Variants in ME3 observed in about 807,000 individuals in gnomAD.
The protein encoded by ME3 is malic enzyme 3.
A neutral mutation model predicts 68.9 loss-of-function variants in ME3; 48 were observed. The ratio of observed to expected loss-of-function variants is 0.70; its 90% CI spans 0.55 to 0.89. The LOEUF (loss-of-function observed/expected upper bound fraction) is 0.89. ME3 is among the 40% of genes least tolerant of loss of function. ME3 has a pLI of 0.00. For synonymous variants in ME3, 320 were observed against 318.8 expected, an observed-to-expected ratio of 1.00 and a Z score of -0.04; for missense variants, 675 against 797.4, an observed-to-expected ratio of 0.85 and a Z score of 1.85.
chr11:86,538,012 T>A (rs1955801445), intron 4 of ME3, among the ~76,000 whole-genome samples: 1 of 152,168 alleles, frequency 6.6e-6, no homozygotes, highest in Admixed American at 6.5e-5. Context: ...CACCTTGATG[T>A]GGCATGGAAA....
At chr11:86,526,542 T>C (rs557109272) in intron 4 of ME3, among the ~76,000 whole-genome samples, 3 of 152,290 alleles carry the variant, frequency 2.0e-5, no homozygotes, top group East Asian at 3.9e-4. Context: ...GCACACAGCT[T>C]ACATCTGAGA....
chr11:86,448,073 A>G (rs917093466), intron 11 of ME3, 77 bp downstream of exon 11: 2 of 1,026,860 alleles, frequency 1.9e-6, no homozygotes, highest in East Asian at 4.8e-5. Flanking sequence ...TAGGCTTCCT[A>G]GCTGAGCCTC....
intron 2 of ME3, among the ~76,000 whole-genome samples, chr11:86,595,320 G>GAC (rs1959233144): frequency 7.2e-6 from 1 of 138,642 alleles, no homozygotes; most frequent in Non-Finnish European, 1.5e-5. Flanking sequence ...GAGAGAGAGA[G>GAC]AGAGAGAGAG....
chr11:86,546,378 G>A (rs9645702), intron 4 of ME3, among the ~76,000 whole-genome samples: 45,558 of 152,012 alleles, frequency 0.3, 7,274 homozygotes, highest in African/African-American at 0.42. Flanking sequence ...TGAACAGGCA[G>A]CCTACAGAAT....
intron 2 of ME3, among the ~76,000 whole-genome samples, chr11:86,632,679 C>T (rs981466334): frequency 1.8e-4 from 28 of 152,144 alleles, no homozygotes; most frequent in East Asian, 1.9e-4. Context: ...TGACAGCCTG[C>T]GCTGTGAAGG....
chr11:86,475,864 T>TAGAGAG (rs1255014257), intron 7 of ME3, among the ~76,000 whole-genome samples: 3 of 114,386 alleles, frequency 2.6e-5, no homozygotes, highest in African/African-American at 3.7e-5. Flanking sequence ...TATATATATA[T>TAGAGAG]ATATATATAT....
intron 6 of ME3, among the ~76,000 whole-genome samples, chr11:86,496,081 T>C (rs907894021): frequency 2.0e-5 from 3 of 152,172 alleles, no homozygotes; most frequent in Non-Finnish European, 4.4e-5. Context: ...CATTCCTTAC[T>C]AGGATCTAAA....
downstream of ME3, among the ~76,000 whole-genome samples, chr11:86,439,035 C>T (rs1948912227): frequency 6.6e-6 from 1 of 152,150 alleles, no homozygotes; most frequent in African/African-American, 2.4e-5. Flanking sequence ...AGGAGTAAGT[C>T]TCTCTTACTC....
chr11:86,547,181 T>C (rs1393422309), intron 4 of ME3, among the ~76,000 whole-genome samples: 1 of 126,704 alleles, frequency 7.9e-6, no homozygotes, highest in Non-Finnish European at 1.6e-5. Flanking sequence ...GAGCTTGCAG[T>C]GAACCCAGAT....
At chr11:86,580,538 T>C (rs1958384884) in intron 2 of ME3, among the ~76,000 whole-genome samples, 1 of 152,232 alleles carries the variant, frequency 6.6e-6, no homozygotes, top group South Asian at 2.1e-4. Flanking sequence ...TGTGGGTCTG[T>C]ATTTTATAAC....
intron 2 of ME3, among the ~76,000 whole-genome samples, chr11:86,606,072 A>G (rs1459262614): frequency 2.6e-5 from 4 of 151,338 alleles, no homozygotes; most frequent in Non-Finnish European, 4.4e-5. Flanking sequence ...CAGAGAGAAG[A>G]CTCCACCCCT....
At chr11:86,641,441 C>G (rs1015606030) in intron 2 of ME3, among the ~76,000 whole-genome samples, 13 of 152,198 alleles carry the variant, frequency 8.5e-5, no homozygotes, top group African/African-American at 3.1e-4. Flanking sequence ...TCCCTCAGAT[C>G]TATAAACCGT....
At chr11:86,553,988 C>T (rs1362247815) in intron 4 of ME3, among the ~76,000 whole-genome samples, 1 of 152,198 alleles carries the variant, frequency 6.6e-6, no homozygotes, top group African/African-American at 2.4e-5. Flanking sequence ...TAAGTTATTT[C>T]CCTGTGCCTC....
chr11:86,497,324 G>GCCGCTATTAA (rs1952412260), intron 6 of ME3, among the ~76,000 whole-genome samples: 1 of 152,120 alleles, frequency 6.6e-6, no homozygotes, highest in South Asian at 2.1e-4. Flanking sequence ...ATGTAATTAA[G>GCCGCTATTAA]AGGGAATCCT....
At chr11:86,504,653 C>T (rs546923521) in intron 5 of ME3, among the ~76,000 whole-genome samples, 6 of 151,946 alleles carry the variant, frequency 3.9e-5, no homozygotes, top group Non-Finnish European at 8.8e-5. Flanking sequence ...CTCGGCCTCC[C>T]GAAATGCTGG....
intron 4 of ME3, among the ~76,000 whole-genome samples, chr11:86,543,377 A>C (rs1463760301): frequency 6.6e-6 from 1 of 152,232 alleles, no homozygotes; most frequent in Non-Finnish European, 1.5e-5. Flanking sequence ...ATAAAGAGTC[A>C]AGAACCATTG....
Position 86,545,843 on chromosome 11 carries a change from C to T in ME3, c.467+10710G>A, listed in dbSNP as rs570888116. On this transcript the variant is annotated intron_variant, in intron 4 of 14. Coordinates refer to ENST00000543262, the Ensembl canonical transcript of ME3. ...AATTTCATATGGAAACAAAAAAGAG[C>T]CCATATAGCCAAGACAATCCTAAGC... Among the ~76,000 whole-genome samples the T allele has an allele frequency of 8.7e-3, 1,331 of 152,252 alleles. 25 individuals carry two copies. The highest frequency in any genetic ancestry group is 0.03 in the African/African-American group (1,252 of 41,538).
Position 86,566,834 on chromosome 11 carries a change from C to G in ME3, c.184-7011G>C, listed in dbSNP as rs542185707. 6.6e-5 allele frequency among the ~76,000 whole-genome samples: 10 copies of G among 152,200 alleles called. No homozygotes were observed. In the South Asian group the frequency reaches 2.1e-3, roughly 32 times the overall value. ...GATAAAACCATTTGTATTCTTGCCA[C>G]TATAGTACACATCCTCCCAGGACGT... On this transcript the variant is annotated intron_variant, in intron 2 of 14. Coordinates refer to ENST00000543262, the Ensembl canonical transcript of ME3.
exon 2 of ME3, chr11:86,671,946 G>T (rs1174286562): frequency 1.1e-5 from 15 of 1,413,952 alleles, no homozygotes; most frequent in African/African-American, 7.6e-5. Flanking sequence ...GGCACCCATG[G>T]TCCTTGGCAG....
Sources: allele counts gnomAD v4.1 joint callset (sites outside exome capture counted in the v4.1 genomes callset), GRCh38; gene constraint gnomAD v4.1.1; transcripts MANE v1.5; gene names NCBI Gene and HGNC (gene_info 2026-07-23, HGNC 2026-07-21).